Variants in TATDN1 observed in about 807,000 individuals in gnomAD.
TATDN1 encodes the protein TatD DNase domain containing 1.
A neutral mutation model predicts 46.4 loss-of-function variants in TATDN1; 40 were observed. That is an observed-to-expected ratio of 0.86 (90% CI 0.67 to 1.12). The LOEUF (loss-of-function observed/expected upper bound fraction) is 1.12, where lower values mean the gene tolerates loss of function less well. Among genes scored for constraint, TATDN1 ranks in the 50% most tolerant of loss-of-function variants. The pLI, the probability that TATDN1 is intolerant of heterozygous loss-of-function variation, is 0.00. For missense variants in TATDN1, 326 were observed against 348.4 expected, an observed-to-expected ratio of 0.94 and a Z score of 0.51; for synonymous variants, 95 against 105.6, an observed-to-expected ratio of 0.90 and a Z score of 0.62.
chr8:124,504,362 G>C lies in TATDN1; in HGVS notation c.517-15C>G. ...AATGAATGCACCTGGGGACATACAG[G>C]TATAAGTTTATTATTATAATAATTA... On this transcript the variant is annotated splice_polypyrimidine_tract_variant and intron_variant, in intron 8 of 11. Transcript: ENST00000276692. 1 of 1,523,056 alleles carries C rather than the reference G, an allele frequency of 6.6e-7. No individual in the cohort carries two copies. Among genetic ancestry groups the C allele is most frequent in the South Asian group, 1.3e-5 (1 of 74,900 alleles). The allele number at this position is 1,523,056 out of a possible 1,614,324, so 94.3% of individuals were successfully genotyped here.
chr8:124,537,899 C>G (rs1821608483), intron 1 of TATDN1, among the ~76,000 whole-genome samples: 1 of 152,032 alleles, frequency 6.6e-6, no homozygotes. Context: ...AGTCTGAAAA[C>G]TGCACCACTA....
chr8:124,494,018 C>T lies in TATDN1; in HGVS notation c.665-59G>A, dbSNP rs978608005. ...TTACATTTTTAAAAATTTTTTATGA[C>T]CATTATCTAATATATAACCTCTAAA... On this transcript the variant is annotated intron_variant, in intron 10 of 11. Transcript: ENST00000276692. The T allele has an allele frequency of 3.3e-6, 5 of 1,495,220 alleles. No homozygotes were observed. The African/African-American group carries it at 7.1e-5, about 21-fold the overall frequency. 92.6% of individuals were successfully genotyped at this position (1,495,220 alleles called of 1,614,324 possible). A position where few individuals can be genotyped will look rare whatever the true frequency, so the allele number is the denominator to read the frequency against.
At chr8:124,508,407 G>T in intron 8 of TATDN1, 67 bp downstream of exon 8, 3 of 1,355,148 alleles carry the variant, frequency 2.2e-6, no homozygotes, top group Non-Finnish European at 2.1e-6. Flanking sequence ...TTTTGTACTT[G>T]GGAGTATTTT....
At chr8:124,515,490 T>C (rs537154790) in intron 6 of TATDN1, among the ~76,000 whole-genome samples, 1 of 152,348 alleles carries the variant, frequency 6.6e-6, no homozygotes, top group South Asian at 2.1e-4. Flanking sequence ...GTAAAATCTC[T>C]ATCATGTAAA....
Position 124,522,212 on chromosome 8 carries a change from A to G in TATDN1, c.89-12T>C, listed in dbSNP as rs548296025. ...ATCCTGTAAGTCATCTGTAAAAGATAAACTCTGTATTATGAAAACCTGGCA... is the reference window on the plus strand; with the variant it reads ...ATCCTGTAAGTCATCTGTAAAAGATGAACTCTGTATTATGAAAACCTGGCA... On this transcript the variant is annotated splice_polypyrimidine_tract_variant and intron_variant, in intron 2 of 11. Coordinates refer to ENST00000276692, the MANE Select transcript of TATDN1 (RefSeq NM_032026.4). The G allele has an allele frequency of 5.3e-5, 83 of 1,574,308 alleles. No individual in the cohort carries two copies. The East Asian group carries it at 1.8e-3, about 34-fold the overall frequency.
intron 9 of TATDN1, among the ~76,000 whole-genome samples, chr8:124,495,844 T>C (rs952556151): frequency 1.3e-5 from 2 of 152,236 alleles, no homozygotes; most frequent in Non-Finnish European, 2.9e-5. Flanking sequence ...TCTGAGTAAT[T>C]TGCGTAACTT....
At chr8:124,528,915 A>G (rs999714628) in intron 1 of TATDN1, among the ~76,000 whole-genome samples, 67 of 152,232 alleles carry the variant, frequency 4.4e-4, no homozygotes, top group Non-Finnish European at 1.6e-4. Flanking sequence ...TTATCTAAGA[A>G]GTACAACAAA....
At chr8:124,520,770 G>A (rs749780083) in intron 3 of TATDN1, among the ~76,000 whole-genome samples, 4 of 151,502 alleles carry the variant, frequency 2.6e-5, no homozygotes, top group African/African-American at 7.3e-5. Context: ...GTGAAACCCC[G>A]TCTCTACTAA....
At chr8:124,509,266 A>G (rs936415648) in intron 6 of TATDN1, among the ~76,000 whole-genome samples, 1 of 152,350 alleles carries the variant, frequency 6.6e-6, no homozygotes, top group African/African-American at 2.4e-5. Context: ...GATCCTCAAA[A>G]TAACCTGAGT....
At chr8:124,514,680 C>T (rs1001060092) in intron 6 of TATDN1, among the ~76,000 whole-genome samples, 4 of 152,180 alleles carry the variant, frequency 2.6e-5, no homozygotes, top group African/African-American at 4.8e-5. Context: ...AAAATGCTTA[C>T]GTTTTAAATT....
At chr8:124,493,101 G>A (rs1817165007) in intron 11 of TATDN1, among the ~76,000 whole-genome samples, 2 of 152,136 alleles carry the variant, frequency 1.3e-5, no homozygotes, top group South Asian at 4.1e-4. Flanking sequence ...TGAAAAAAAA[G>A]ATGGTGCATA....
intron 1 of TATDN1, 114 bp downstream of exon 1, chr8:124,538,911 G>T: frequency 1.6e-6 from 2 of 1,276,922 alleles, no homozygotes; most frequent in Non-Finnish European, 2.2e-6. Context: ...CCACTGAGCG[G>T]CCCTTTCAAC....
intron 10 of TATDN1, chr8:124,495,026 CTTGTT>C (rs1354555635): frequency 1.3e-5 from 2 of 159,412 alleles, no homozygotes; most frequent in Non-Finnish European, 2.7e-5. Context: ...CCGGCCTCAC[CTTGTT>C]TTAAGAGGCA....
Position 124,488,694 on chromosome 8 carries a change from T to C in TATDN1, c.794A>G (p.Gln265Arg), listed in dbSNP as rs1008114651. The C allele has an allele frequency of 3.8e-6, 6 of 1,587,898 alleles. No homozygotes were observed. The highest frequency in any genetic ancestry group is 4.3e-6 in the Non-Finnish European group (5 of 1,157,974). The change falls in exon 12 of 12, where the codon CAA becomes CGA. Residue 265 changes from glutamine (Q) to arginine (R), a missense_variant and splice_region_variant. Transcript: ENST00000276692. ...CACTGCTGACATTATCTCCAATATT[T>C]GACTAAAACAAAACAAAAACAAAAA... The part of the protein sequence containing the change: ...KDRNEPCHII[Q>R]ILEIMSAVRD...
intron 6 of TATDN1, among the ~76,000 whole-genome samples, chr8:124,509,359 G>C (rs1818807914): frequency 1.3e-5 from 2 of 152,156 alleles, no homozygotes; most frequent in African/African-American, 4.8e-5. Context: ...GAACTTCACT[G>C]CTCTAATTCC....
intron 1 of TATDN1, among the ~76,000 whole-genome samples, chr8:124,531,400 T>TC (rs1438677290): frequency 6.6e-6 from 1 of 152,152 alleles, no homozygotes; most frequent in Non-Finnish European, 1.5e-5. Flanking sequence ...ATTAGACTGT[T>TC]CAACTAGCCC....
intron 1 of TATDN1, among the ~76,000 whole-genome samples, chr8:124,534,171 A>AAAAAAAAAAAAAAAAAAAAAAAAC (rs1821230798): frequency 6.8e-6 from 1 of 147,532 alleles, no homozygotes; most frequent in Non-Finnish European, 1.5e-5. Context: ...AAAAAAAAAA[A>AAAAAAAAAAAAAAAAAAAAAAAAC]AAAAAAAAGA....
intron 9 of TATDN1, among the ~76,000 whole-genome samples, chr8:124,498,268 G>T (rs1817654955): frequency 6.6e-6 from 1 of 151,896 alleles, no homozygotes; most frequent in African/African-American, 2.4e-5. Flanking sequence ...TGTGGGAGTG[G>T]GTATATTATG....
intron 6 of TATDN1, 95 bp downstream of exon 6, chr8:124,515,651 C>G (rs1034227778): frequency 4.9e-5 from 60 of 1,232,920 alleles, no homozygotes; most frequent in Non-Finnish European, 6.6e-5. Flanking sequence ...AAAATATCCT[C>G]ATGCTTAATC....
Sources: allele counts gnomAD v4.1 joint callset (sites outside exome capture counted in the v4.1 genomes callset), GRCh38; gene constraint gnomAD v4.1.1; transcripts MANE v1.5; gene names NCBI Gene and HGNC (gene_info 2026-07-23, HGNC 2026-07-21).